The following CPQ variants were observed in gnomAD, a reference collection of about 807,000 sequenced individuals.
CPQ encodes the protein Ser-Met dipeptidase.
A neutral mutation model predicts 45.7 loss-of-function variants in CPQ; 37 were observed. That is an observed-to-expected ratio of 0.81 (90% CI 0.62 to 1.07). The LOEUF (loss-of-function observed/expected upper bound fraction) is 1.07, where lower values mean the gene tolerates loss of function less well. Ranked by LOEUF, CPQ falls within the 50% of genes least tolerant of loss-of-function variation. The pLI is 0.00. For synonymous variants in CPQ, 186 were observed against 205.8 expected (o/e 0.90, Z 0.82); for missense variants, 537 against 572.9 (o/e 0.94, Z 0.64).
chr8:96,986,310 G>T (rs967259988), intron 5 of CPQ, among the ~76,000 whole-genome samples: 3 of 152,174 alleles, frequency 2.0e-5, no homozygotes, highest in Non-Finnish European at 2.9e-5. Flanking sequence ...TAGAAAATTC[G>T]ATTGGACCAT....
chr8:96,882,236 T>C (rs1224660851), intron 4 of CPQ, among the ~76,000 whole-genome samples: 1 of 152,200 alleles, frequency 6.6e-6, no homozygotes, highest in African/African-American at 2.4e-5. Flanking sequence ...ACAGGGATGA[T>C]GGAAAACAAG....
intron 1 of CPQ, among the ~76,000 whole-genome samples, chr8:96,664,696 G>A (rs1808897336): frequency 6.6e-6 from 1 of 152,170 alleles, no homozygotes. Flanking sequence ...GCGTCCTAAG[G>A]TGCTAATGAA....
At chr8:96,653,385 AG>A (rs1815600402) in intron 1 of CPQ, among the ~76,000 whole-genome samples, 1 of 152,072 alleles carries the variant, frequency 6.6e-6, no homozygotes, top group Non-Finnish European at 1.5e-5. Flanking sequence ...TTGTCTGTTC[AG>A]GCTCTTTGTC....
intron 1 of CPQ, among the ~76,000 whole-genome samples, chr8:96,676,353 C>T (rs551114280): frequency 4.6e-5 from 7 of 152,034 alleles, no homozygotes; most frequent in African/African-American, 7.2e-5. Context: ...TAAGTAAGAG[C>T]GTGCAATATT....
At chr8:96,815,812 C>CAT (rs1033339158) in intron 2 of CPQ, among the ~76,000 whole-genome samples, 6 of 151,878 alleles carry the variant, frequency 4.0e-5, no homozygotes, top group Non-Finnish European at 8.8e-5. Context: ...TTTCCCAGTA[C>CAT]ATATAAAAGT....
intron 6 of CPQ, among the ~76,000 whole-genome samples, chr8:97,032,864 A>C (rs1244436588): frequency 6.6e-6 from 1 of 152,272 alleles, no homozygotes; most frequent in Non-Finnish European, 1.5e-5. Context: ...AGTTTTAAAT[A>C]ATGTACTAAA....
chr8:97,114,910 T>G (rs2130598576), intron 7 of CPQ, among the ~76,000 whole-genome samples: 1 of 152,330 alleles, frequency 6.6e-6, no homozygotes, highest in South Asian at 2.1e-4. Flanking sequence ...TTCCCTGTAT[T>G]GTTTGCTGAA....
intron 4 of CPQ, among the ~76,000 whole-genome samples, chr8:96,893,329 A>C (rs1812401583): frequency 1.3e-5 from 2 of 152,238 alleles, no homozygotes; most frequent in Non-Finnish European, 2.9e-5. Context: ...TACTATGTGC[A>C]GGACGCTATG....
intron 1 of CPQ, among the ~76,000 whole-genome samples, chr8:96,755,807 A>T (rs1192841209): frequency 6.6e-6 from 1 of 152,032 alleles, no homozygotes; most frequent in African/African-American, 2.4e-5. Flanking sequence ...TGCATAAATT[A>T]TGATTATGAT....
intron 1 of CPQ, among the ~76,000 whole-genome samples, chr8:96,718,826 C>A (rs1809722598): frequency 6.6e-6 from 1 of 152,166 alleles, no homozygotes; most frequent in South Asian, 2.1e-4. Flanking sequence ...CAAAGGTTCT[C>A]CAAGGCCCCA....
At chr8:96,795,760 A>G (rs1810919706) in intron 2 of CPQ, among the ~76,000 whole-genome samples, 1 of 151,998 alleles carries the variant, frequency 6.6e-6, no homozygotes, top group Non-Finnish European at 1.5e-5. Flanking sequence ...AAATCTTTTA[A>G]TGTAGAAAGA....
chr8:96,828,497 C>T (rs539217500), intron 2 of CPQ, among the ~76,000 whole-genome samples: 15 of 152,062 alleles, frequency 9.9e-5, no homozygotes, highest in Middle Eastern at 3.4e-3. Flanking sequence ...GGAAGCTAGC[C>T]ATGACCCCCA....
intron 4 of CPQ, among the ~76,000 whole-genome samples, chr8:96,910,794 G>A (rs781258458): frequency 3.9e-5 from 6 of 152,100 alleles, no homozygotes; most frequent in African/African-American, 7.2e-5. Context: ...GTGAGCCACC[G>A]CGCCCGGCTG....
intron 1 of CPQ, among the ~76,000 whole-genome samples, chr8:96,662,005 G>GT (rs1415423190): frequency 1.1e-4 from 16 of 152,054 alleles, no homozygotes; most frequent in African/African-American, 2.9e-4. Flanking sequence ...GTGGTATCTT[G>GT]TTTTCTTTTC....
intron 3 of CPQ, among the ~76,000 whole-genome samples, chr8:96,860,567 G>A (rs752671783): frequency 6.6e-6 from 1 of 152,066 alleles, no homozygotes; most frequent in Non-Finnish European, 1.5e-5. Flanking sequence ...TTCTAAGTAG[G>A]CATTGATTGG....
chr8:96,795,967 A>G (rs1239965252), intron 2 of CPQ, among the ~76,000 whole-genome samples: 1 of 152,048 alleles, frequency 6.6e-6, no homozygotes, highest in Non-Finnish European at 1.5e-5. Context: ...AAATGTTAAC[A>G]CAATAGATAT....
intron 4 of CPQ, among the ~76,000 whole-genome samples, chr8:96,904,884 C>G (rs1055259122): frequency 4.0e-4 from 61 of 152,240 alleles, no homozygotes; most frequent in African/African-American, 1.4e-3. Flanking sequence ...TTGTGTAATA[C>G]AGCAGCCCTG....
rs745938647 is a variant in CPQ, at chr8:96,879,969, T to C, written c.813T>C (p.Thr271=). 5 of 1,614,032 alleles carry C rather than the reference T, an allele frequency of 3.1e-6. No homozygotes were observed. The East Asian group carries it at 1.1e-4, about 36-fold the overall frequency. The change falls in exon 4 of 8, where the codon ACT becomes ACC. Residue 271 remains threonine, a synonymous_variant. Coordinates refer to ENST00000220763, the MANE Select transcript of CPQ (RefSeq NM_016134.4). The part of the protein sequence containing the change: ...KTYPDTDSFN[T]VAEITGSKYP... ...ACCCAGATACTGATTCCTTCAACAC[T>C]GTAGCAGAGATCACTGGGAGCAAAT...
intron 1 of CPQ, among the ~76,000 whole-genome samples, chr8:96,646,549 T>G (rs997115834): frequency 6.6e-6 from 1 of 152,240 alleles, no homozygotes; most frequent in Non-Finnish European, 1.5e-5. Flanking sequence ...AGAAAGACGC[T>G]TATCTGTTTG....
Sources: gnomAD v4.1 joint callset for allele counts (sites outside exome capture counted in the v4.1 genomes callset) on GRCh38, gnomAD v4.1.1 for gene constraint, MANE v1.5 for transcripts, NCBI Gene and HGNC (gene_info 2026-07-23, HGNC 2026-07-21) for gene names.